Variants in STAG2 observed in about 807,000 individuals in gnomAD.
The protein encoded by STAG2 is cohesin subunit SA-2.
In STAG2, 14 loss-of-function variants were observed where a neutral mutation model predicts 108.1. That is an observed-to-expected ratio of 0.13 (90% CI 0.09 to 0.20). STAG2 has a LOEUF of 0.20. STAG2 is among the 10% of genes least tolerant of loss of function. The pLI is 1.00. For missense variants in STAG2, 440 were observed against 940.9 expected, an observed-to-expected ratio of 0.47 and a Z score of 6.96; for synonymous variants, 307 against 302.7, an observed-to-expected ratio of 1.01 and a Z score of -0.15.
At chrX:123,978,311 C>A (rs944657593) in intron 1 of STAG2, among the ~76,000 whole-genome samples, 4 of 109,090 alleles carry the variant, frequency 3.7e-5, no homozygotes, top group Non-Finnish European at 7.6e-5. Flanking sequence ...GATGCTCTTC[C>A]CCCACTCCCA....
At chrX:124,082,584 G>A (rs960020996) in intron 28 of STAG2, among the ~76,000 whole-genome samples, 1 of 110,220 alleles carries the variant, frequency 9.1e-6, no homozygotes, top group African/African-American at 3.3e-5. Flanking sequence ...TGTAGAGACA[G>A]GGTCTCACCA....
intron 1 of STAG2, among the ~76,000 whole-genome samples, chrX:123,997,706 C>T (rs1324266786): frequency 2.7e-5 from 3 of 112,407 alleles, no homozygotes; most frequent in East Asian, 5.6e-4. Context: ...GGCACGATCT[C>T]GGCTCACTGC....
chrX:123,990,400 T>A (rs952541199), intron 1 of STAG2, among the ~76,000 whole-genome samples: 2 of 111,995 alleles, frequency 1.8e-5, no homozygotes, highest in Non-Finnish European at 3.8e-5. Context: ...AGAGGTACTT[T>A]AGTATGGAGA....
chrX:124,095,495 T>C (rs2148510480), intron 34 of STAG2, 46 bp downstream of exon 34: 1 of 1,022,909 alleles, frequency 9.8e-7, no homozygotes, highest in East Asian at 3.0e-5. Flanking sequence ...ATCAGAAGTA[T>C]AGGCAGTCTC....
intron 1 of STAG2, among the ~76,000 whole-genome samples, chrX:123,991,424 C>T (rs1360092759): frequency 9.1e-6 from 1 of 110,452 alleles, no homozygotes; most frequent in Non-Finnish European, 1.9e-5. Context: ...ATGATCTCAG[C>T]TCACTGCAAC....
At chrX:124,083,291 C>T (rs1033178234) in intron 28 of STAG2, 130 bp from the exon 29 acceptor site, 23 of 463,467 alleles carry the variant, frequency 5.0e-5, no homozygotes, top group Non-Finnish European at 6.4e-5. Context: ...ACTTTACAAC[C>T]TGCTTATTTT....
chrX:124,028,811 TATA>T (rs2057198896), intron 4 of STAG2, among the ~76,000 whole-genome samples: 1 of 88,834 alleles, frequency 1.1e-5, no homozygotes, highest in African/African-American at 4.3e-5. Context: ...TATATATATA[TATA>T]TATATATATT....
intron 1 of STAG2, among the ~76,000 whole-genome samples, chrX:123,997,071 A>G (rs1293076043): frequency 1.8e-5 from 2 of 111,947 alleles, no homozygotes; most frequent in Non-Finnish European, 3.8e-5. Context: ...GGTCCATTTC[A>G]GGACTTTCTA....
intron 16 of STAG2, 111 bp downstream of exon 16, chrX:124,061,452 A>T: frequency 1.8e-6 from 1 of 553,773 alleles, no homozygotes; most frequent in Admixed American, 3.1e-5. Flanking sequence ...GAAAAATCTT[A>T]CTTCGTGCAT....
intron 13 of STAG2, among the ~76,000 whole-genome samples, chrX:124,053,649 A>G (rs2058106424): frequency 8.9e-6 from 1 of 111,817 alleles, no homozygotes; most frequent in Admixed American, 9.5e-5. Flanking sequence ...AAGATCAATG[A>G]AGCAGAATAA....
intron 28 of STAG2, 28 bp from the exon 29 acceptor site, chrX:124,083,393 T>G (rs935094002): frequency 1.2e-5 from 13 of 1,101,032 alleles, no homozygotes; most frequent in Non-Finnish European, 1.6e-5. Context: ...AAATATTTAT[T>G]TCAATTATTT....
chrX:124,051,017 T>G, intron 11 of STAG2, 104 bp from the exon 12 acceptor site: 1 of 482,703 alleles, frequency 2.1e-6, no homozygotes, highest in Non-Finnish European at 3.3e-6. Flanking sequence ...TATGAAACAT[T>G]TAAAATTTTA....
chrX:124,021,620 A>G (rs1483224942), intron 2 of STAG2, among the ~76,000 whole-genome samples, 189 bp downstream of exon 2: 1 of 111,908 alleles, frequency 8.9e-6, no homozygotes, highest in Non-Finnish European at 1.9e-5. Flanking sequence ...TGTTCGTATG[A>G]AATTATTGGC....
chrX:123,982,732 G>A (rs1171624185), intron 1 of STAG2, among the ~76,000 whole-genome samples: 4 of 82,561 alleles, frequency 4.8e-5, no homozygotes, highest in Non-Finnish European at 6.9e-5. Flanking sequence ...GTACACTTTA[G>A]TCTTTTTTTT....
intron 20 of STAG2, 123 bp from the exon 21 acceptor site, chrX:124,065,753 G>C (rs760878183): frequency 1.1e-4 from 48 of 440,001 alleles, no homozygotes; most frequent in Non-Finnish European, 1.6e-4. Context: ...TCTAGGTATT[G>C]AATGACAAAG....
chrX:124,058,339 G>A (rs959727727), intron 15 of STAG2, among the ~76,000 whole-genome samples: 6 of 110,051 alleles, frequency 5.5e-5, no homozygotes, highest in African/African-American at 2.0e-4. Flanking sequence ...TAGTACAGAC[G>A]GGGTTTCACC....
chrX:124,061,865 A>G lies in STAG2; in HGVS notation c.1629A>G (p.Thr543=), dbSNP rs202037021. Residue 543 remains threonine (T), a synonymous_variant, in exon 17 of 35, where the codon ACA becomes ACG. Coordinates refer to ENST00000371145, the MANE Select transcript of STAG2 (RefSeq NM_001042750.2). ...AECHPPVGRG[T]GKRVLTAKEK... ...GTCATCCTCCCGTGGGAAGAGGGAC[A>G]GGAAAAAGGGTATGCCAATCAATGT... is the stretch of plus-strand genomic sequence containing the variant. The G allele has an allele frequency of 4.0e-5, 47 of 1,176,372 alleles. No individual in the cohort carries two copies. Among genetic ancestry groups the G allele is most frequent in the Non-Finnish European group, 5.4e-5 (47 of 873,573 alleles).
intron 16 of STAG2, 85 bp from the exon 17 acceptor site, chrX:124,061,684 CTG>C: frequency 3.0e-6 from 2 of 676,739 alleles, no homozygotes; most frequent in South Asian, 3.6e-5. Context: ...GCAGAAGAAA[CTG>C]TTATGTAATA....
chrX:124,100,496 T>C, intron 34 of STAG2, 78 bp from the exon 35 acceptor site: 2 of 849,664 alleles, frequency 2.4e-6, no homozygotes, highest in South Asian at 2.2e-5. Context: ...AATAAAGTAT[T>C]AATGTAATAT....
Sources: allele counts gnomAD v4.1 joint callset (sites outside exome capture counted in the v4.1 genomes callset), GRCh38; gene constraint gnomAD v4.1.1; transcripts MANE v1.5; gene names NCBI Gene and HGNC (gene_info 2026-07-23, HGNC 2026-07-21).